Variants in BTAF1 observed in about 807,000 individuals in gnomAD.
The protein encoded by BTAF1 is TATA-binding protein-associated factor 172.
BTAF1 carries 38 observed loss-of-function variants against 227.1 expected under a neutral mutation model. That is an observed-to-expected ratio of 0.17 (90% CI 0.13 to 0.22). The LOEUF (loss-of-function observed/expected upper bound fraction) is 0.22. BTAF1 is among the 10% of genes least tolerant of loss of function. BTAF1 has a pLI of 1.00. For synonymous variants in BTAF1, 742 were observed against 751.9 expected (o/e 0.99, Z 0.21); for missense variants, 1,598 against 2,204.0 (o/e 0.73, Z 5.51).
In BTAF1 at chr10:91,989,200, C is replaced by T. The variant is rs1405497377; in HGVS notation, c.2474C>T (p.Pro825Leu). The T allele has an allele frequency of 1.9e-6, 3 of 1,613,720 alleles. No homozygotes were observed. In the South Asian group the frequency reaches 3.3e-5, roughly 18 times the overall value. The change falls in exon 20 of 38, where the codon CCT (proline) becomes CTT (leucine). Residue 825 changes from proline to leucine, a missense_variant. Physicochemically the swap from Pro to Leu is moderately conservative, Grantham distance 98 (BLOSUM62 -3). Coordinates refer to ENST00000265990, the MANE Select transcript of BTAF1 (RefSeq NM_003972.3). Reference sequence around the variant, plus strand: ...GCCACATCATCTTTCGATTTAAATCCTCAAGTGTTACAACAGTTAGATAGT... The same window carrying T: ...GCCACATCATCTTTCGATTTAAATCTTCAAGTGTTACAACAGTTAGATAGT... ...NEATSSFDLN[P>L]QVLQQLDSKR...
intron 19 of BTAF1, among the ~76,000 whole-genome samples, chr10:91,984,764 A>G (rs529828398): frequency 6.6e-6 from 1 of 152,190 alleles, no homozygotes; most frequent in Non-Finnish European, 1.5e-5. Flanking sequence ...ATATTCAAAC[A>G]TATAGAAAAA....
At chr10:91,929,988 A>G (rs954079046) in intron 1 of BTAF1, among the ~76,000 whole-genome samples, 2 of 152,214 alleles carry the variant, frequency 1.3e-5, no homozygotes, top group African/African-American at 2.4e-5. Flanking sequence ...AAGCTTTTCC[A>G]TTTCAATCCC....
chr10:91,982,071 C>T lies in BTAF1; in HGVS notation c.1906-12C>T, dbSNP rs766682852. ...TTAATCTTTATTGTTTTTTTTTCCC[C>T]TCCCTCTGTAGGAAAAAACAGGTGG... On this transcript the variant is annotated splice_polypyrimidine_tract_variant and intron_variant, in intron 16 of 37. Transcript: ENST00000265990. 8.1e-6 allele frequency: 13 copies of T among 1,596,168 alleles called. No homozygotes were observed. Among genetic ancestry groups the T allele is most frequent in the Admixed American group, 1.8e-5 (1 of 56,286 alleles).
chr10:91,985,447 C>T (rs985740425), intron 19 of BTAF1, among the ~76,000 whole-genome samples: 9 of 152,042 alleles, frequency 5.9e-5, no homozygotes, highest in African/African-American at 2.2e-4. Context: ...TCACTATAAA[C>T]GTTCTTCTGC....
rs1451126230 is a variant in BTAF1 at position 91,992,301 on chromosome 10, C to G, written c.3037C>G (p.Leu1013Val). ...AGSSGNILVE[L>V]DEAQKPYLVQ... ...AAGTAGTGGAAATATTCTTGTTGAA[C>G]TTGATGAGGTAAGTAGTTTTTTTTT... The change falls in exon 21 of 38, where the codon CTT becomes GTT. Residue 1013 changes from leucine (L) to valine (V), a missense_variant. This residue lies in a region of BTAF1 where 425 missense variants were observed against 491.2 expected (regional missense o/e 0.87). Transcript: ENST00000265990. 6.3e-7 allele frequency: 1 copy of G among 1,594,100 alleles called. No homozygotes were observed. Among genetic ancestry groups the G allele is most frequent in the South Asian group, 1.1e-5 (1 of 87,650 alleles).
intron 14 of BTAF1, among the ~76,000 whole-genome samples, chr10:91,970,875 T>TA (rs991336323): frequency 2.6e-5 from 4 of 152,176 alleles, no homozygotes; most frequent in Non-Finnish European, 5.9e-5. Flanking sequence ...GTGATGTGGT[T>TA]AAAAAAACTA....
chr10:92,005,837 T>A (rs1849840216), intron 25 of BTAF1, among the ~76,000 whole-genome samples: 1 of 152,018 alleles, frequency 6.6e-6, no homozygotes, highest in Admixed American at 6.6e-5. Context: ...CTATTGCAGA[T>A]CTTTTTTATG....
chr10:91,948,157 C>G (rs1845513004), intron 4 of BTAF1, among the ~76,000 whole-genome samples: 1 of 151,396 alleles, frequency 6.6e-6, no homozygotes. Flanking sequence ...ATCCCTCCCC[C>G]ATCCCCCCAC....
chr10:91,964,217 T>G lies in BTAF1; in HGVS notation c.1529+16T>G. On this transcript the variant is annotated intron_variant, in intron 13 of 37. Coordinates refer to ENST00000265990, the MANE Select transcript of BTAF1 (RefSeq NM_003972.3). The stretch of plus-strand genomic sequence containing the variant: ...AACAATGCAGGTAATTATTTCTAAT[T>G]AGTGGAATAAAGTAAAAAGTCTTTA... 6.2e-7 allele frequency: 1 copy of G among 1,608,784 alleles called. No homozygotes were observed. Among genetic ancestry groups the G allele is most frequent in the Non-Finnish European group, 8.5e-7 (1 of 1,177,936 alleles).
chr10:91,956,173 G>A (rs1846071716), intron 6 of BTAF1, among the ~76,000 whole-genome samples: 2 of 151,988 alleles, frequency 1.3e-5, no homozygotes, highest in Non-Finnish European at 2.9e-5. Flanking sequence ...GCCTAAAAAC[G>A]TTAATGTTAT....
chr10:91,925,208 A>G (rs905050224), intron 1 of BTAF1, among the ~76,000 whole-genome samples: 3 of 152,174 alleles, frequency 2.0e-5, no homozygotes, highest in African/African-American at 4.8e-5. Flanking sequence ...TTTATAATCT[A>G]TTCAATGTGA....
intron 25 of BTAF1, among the ~76,000 whole-genome samples, chr10:92,005,211 C>G (rs1849798341): frequency 6.6e-6 from 1 of 151,482 alleles, no homozygotes; most frequent in African/African-American, 2.4e-5. Flanking sequence ...CTTTGGCTAT[C>G]TGGGGTTTTT....
chr10:92,013,026 C>T (rs184079608), intron 30 of BTAF1, among the ~76,000 whole-genome samples: 120 of 152,234 alleles, frequency 7.9e-4, no homozygotes, highest in Non-Finnish European at 1.2e-3. Flanking sequence ...GGGGCAGAGG[C>T]CCTGAGTAGG....
In BTAF1 at chr10:91,959,774, T is replaced by A; in HGVS notation, c.991-11T>A. On this transcript the variant is annotated splice_polypyrimidine_tract_variant and intron_variant, in intron 9 of 37. Transcript: ENST00000265990. Reference sequence around the variant, plus strand: ...TATATATATATATATATATATATTATATTTTAACAGATGATTCAGCAGCAT... The same window carrying A: ...TATATATATATATATATATATATTAAATTTTAACAGATGATTCAGCAGCAT... The A allele has an allele frequency of 4.5e-6, 5 of 1,123,588 alleles. No homozygotes were observed. The African/African-American group carries it at 6.4e-5, about 14-fold the overall frequency. The allele number at this position is 1,123,588 out of a possible 1,614,324, so 69.6% of individuals were successfully genotyped here.
intron 4 of BTAF1, among the ~76,000 whole-genome samples, chr10:91,950,479 A>T (rs1178646944): frequency 1.3e-5 from 2 of 152,072 alleles, no homozygotes; most frequent in East Asian, 3.9e-4. Context: ...TTTTTAAAAT[A>T]TCAAATTTTT....
rs565616095 is a variant in BTAF1, at chr10:91,930,250, C to T, written c.15-5407C>T. Among the ~76,000 whole-genome samples the T allele has an allele frequency of 1.5e-4, 23 of 152,214 alleles. No individual in the cohort carries two copies. In the South Asian group the frequency reaches 4.6e-3, roughly 30 times the overall value. On this transcript the variant is annotated intron_variant, in intron 1 of 37. Transcript: ENST00000265990. ...CTATGTTTTGTCATTAAGATAAAGT[C>T]ATGCAAGAGGCTATAGGTTGTTCGA...
At chr10:91,931,637 C>G (rs962894019) in intron 1 of BTAF1, among the ~76,000 whole-genome samples, 1 of 152,186 alleles carries the variant, frequency 6.6e-6, no homozygotes, top group Non-Finnish European at 1.5e-5. Context: ...CAACATAATA[C>G]TGACTCTGTC....
Position 92,014,129 on chromosome 10 carries a change from T to C in BTAF1, c.4584+100T>C, listed in dbSNP as rs1218429475. On this transcript the variant is annotated intron_variant, in intron 32 of 37. Transcript: ENST00000265990. ...TGAATAAAGGGGCTTAGCCTTTGGC[T>C]TTATCAGATGCAGATAAAGCCTAAA... 2.4e-6 allele frequency: 3 copies of C among 1,265,002 alleles called. No homozygotes were observed. In the African/African-American group the frequency reaches 4.5e-5, roughly 19 times the overall value. The allele number at this position is 1,265,002 out of a possible 1,614,324, so 78.4% of individuals were successfully genotyped here.
chr10:91,991,886 ATGTGC>A (rs1206821534), intron 20 of BTAF1, among the ~76,000 whole-genome samples: 1 of 150,848 alleles, frequency 6.6e-6, no homozygotes, highest in Non-Finnish European at 1.5e-5. Flanking sequence ...TAATTTTTTC[ATGTGC>A]TGTTTCTCAT....
Sources: allele counts gnomAD v4.1 joint callset (sites outside exome capture counted in the v4.1 genomes callset), GRCh38; gene constraint gnomAD v4.1.1; regional missense constraint gnomAD v4.1.1; transcripts MANE v1.5; gene names NCBI Gene and HGNC (gene_info 2026-07-23, HGNC 2026-07-21).